MAP4K5: variants seen among roughly 807,000 people sequenced by gnomAD.
MAP4K5 encodes MAPK/ERK kinase kinase kinase 5.
In MAP4K5, 82 loss-of-function variants were observed where a neutral mutation model predicts 135.6. The ratio of observed to expected loss-of-function variants is 0.60; its 90% CI spans 0.51 to 0.73. The LOEUF is 0.73. Among genes scored for constraint, MAP4K5 ranks in the 30% least tolerant of loss-of-function variants. MAP4K5 has a pLI of 0.00. For missense variants in MAP4K5, 907 were observed against 1,010.9 expected (o/e 0.90, Z 1.39); for synonymous variants, 347 against 335.0 (o/e 1.04, Z -0.39).
chr14:50,548,750 TC>T (rs1376037393), intron 1 of MAP4K5, among the ~76,000 whole-genome samples: 1 of 152,108 alleles, frequency 6.6e-6, no homozygotes, highest in African/African-American at 2.4e-5. Context: ...GACCTTGTGA[TC>T]CGCCTGCCTC....
intron 3 of MAP4K5, among the ~76,000 whole-genome samples, chr14:50,495,819 T>C (rs1347110710): frequency 6.6e-6 from 1 of 152,164 alleles, no homozygotes; most frequent in Non-Finnish European, 1.5e-5. Context: ...AAAGGACAAA[T>C]ACTGTATGAT....
intron 2 of MAP4K5, among the ~76,000 whole-genome samples, chr14:50,522,971 AATAAC>A (rs1160829437): frequency 6.6e-6 from 1 of 152,210 alleles, no homozygotes; most frequent in Non-Finnish European, 1.5e-5. Flanking sequence ...TGCTTAAAAA[AATAAC>A]ATAAGACTTG....
At chr14:50,551,863 A>C in intron 1 of MAP4K5, among the ~76,000 whole-genome samples, 1 of 152,202 alleles carries the variant, frequency 6.6e-6, no homozygotes, top group Non-Finnish European at 1.5e-5. Context: ...GACATACCTC[A>C]AAGTAATAAA....
chr14:50,512,091 T>C (rs1446115235), intron 2 of MAP4K5, among the ~76,000 whole-genome samples: 2 of 152,140 alleles, frequency 1.3e-5, no homozygotes, highest in Non-Finnish European at 2.9e-5. Flanking sequence ...TTATAACAAA[T>C]GTACCACACT....
intron 2 of MAP4K5, among the ~76,000 whole-genome samples, chr14:50,519,635 C>T (rs2038106816): frequency 6.6e-6 from 1 of 151,450 alleles, no homozygotes; most frequent in South Asian, 2.1e-4. Flanking sequence ...GCCTGGGCGA[C>T]AAAGTGAGAC....
At chr14:50,497,108 A>C (rs2037611033) in intron 3 of MAP4K5, among the ~76,000 whole-genome samples, 1 of 152,238 alleles carries the variant, frequency 6.6e-6, no homozygotes, top group South Asian at 2.1e-4. Flanking sequence ...AAATCAATCC[A>C]ATGCTAAATA....
Position 50,473,747 on chromosome 14 carries a change from G to A in MAP4K5, c.542+1330C>T, listed in dbSNP as rs1447030351. 7.0e-5 allele frequency among the ~76,000 whole-genome samples: 8 copies of A among 114,848 alleles called. No individual in the cohort carries two copies. In the Admixed American group the frequency reaches 8.0e-4, roughly 11 times the overall value. The allele number at this position is 114,848 out of a possible 152,430, so 75.3% of individuals were successfully genotyped here. A position where few individuals can be genotyped will look rare whatever the true frequency, so the allele number is the denominator to read the frequency against. On this transcript the variant is annotated intron_variant, in intron 9 of 32. Coordinates refer to ENST00000682126, the MANE Select transcript of MAP4K5 (RefSeq NM_006575.6). Reference sequence around the variant, plus strand: ...TTTTTTTTTTTTTTTTTTTTGAGACGGAGTCTCGCTCTGTCGCCCAGGCTG... The same window carrying A: ...TTTTTTTTTTTTTTTTTTTTGAGACAGAGTCTCGCTCTGTCGCCCAGGCTG...
At chr14:50,553,413 T>A (rs115723106) in intron 1 of MAP4K5, among the ~76,000 whole-genome samples, 2,148 of 151,876 alleles carry the variant, frequency 0.014, 41 homozygotes, top group African/African-American at 0.049. Flanking sequence ...ACAACCTCAT[T>A]CCTGCAGGAA....
At chr14:50,435,194 C>T (rs2036063056) in intron 26 of MAP4K5, 129 bp from the exon 27 acceptor site, 1 of 486,704 alleles carries the variant, frequency 2.1e-6, no homozygotes, top group East Asian at 3.0e-5. Flanking sequence ...CTTTTGGCTT[C>T]ATTGCCTTTT....
chr14:50,512,149 T>C (rs1486661507), intron 2 of MAP4K5, among the ~76,000 whole-genome samples: 1 of 152,270 alleles, frequency 6.6e-6, no homozygotes, highest in African/African-American at 2.4e-5. Flanking sequence ...ATTCAGGGGT[T>C]GGCTAAATGT....
intron 14 of MAP4K5, chr14:50,450,240 C>A (rs2036452776): frequency 6.6e-6 from 1 of 152,332 alleles, no homozygotes. Context: ...AGCCACCACA[C>A]CTGGCCATTT....
At chr14:50,448,596 G>A (rs17122544) in intron 15 of MAP4K5, among the ~76,000 whole-genome samples, 178 bp downstream of exon 15, 5,087 of 151,760 alleles carry the variant, frequency 0.034, 275 homozygotes, top group African/African-American at 0.12. Context: ...GTATTACATC[G>A]TACTCTAGTA....
At chr14:50,443,637 C>T (rs1347438952) in intron 20 of MAP4K5, 92 bp downstream of exon 20, 7 of 1,046,992 alleles carry the variant, frequency 6.7e-6, no homozygotes, top group Admixed American at 3.3e-5. Context: ...GATATCTTAA[C>T]TTTCAAAGGC....
intron 3 of MAP4K5, among the ~76,000 whole-genome samples, chr14:50,493,806 G>A (rs574845047): frequency 3.9e-4 from 59 of 152,046 alleles, no homozygotes; most frequent in African/African-American, 1.3e-3. Context: ...TGGCCAACAC[G>A]GTGAAACCCT....
At chr14:50,504,199 T>C (rs1242735437) in intron 3 of MAP4K5, among the ~76,000 whole-genome samples, 5 of 152,088 alleles carry the variant, frequency 3.3e-5, no homozygotes, top group African/African-American at 1.2e-4. Flanking sequence ...TGCCTAAGCT[T>C]ATGAACCAGC....
chr14:50,469,360 T>C (rs1468345410), intron 9 of MAP4K5, among the ~76,000 whole-genome samples: 1 of 152,204 alleles, frequency 6.6e-6, no homozygotes, highest in Non-Finnish European at 1.5e-5. Flanking sequence ...AAGTCTGTAA[T>C]GGACAGGAAA....
At chr14:50,432,267 G>A (rs1412150924) in intron 28 of MAP4K5, among the ~76,000 whole-genome samples, 2 of 152,166 alleles carry the variant, frequency 1.3e-5, no homozygotes, top group Admixed American at 1.3e-4. Context: ...AATGAACACA[G>A]CTAGGAGTTG....
At chr14:50,539,835 A>G (rs2038538599) in intron 2 of MAP4K5, among the ~76,000 whole-genome samples, 1 of 152,212 alleles carries the variant, frequency 6.6e-6, no homozygotes, top group Non-Finnish European at 1.5e-5. Context: ...GTTCTCAATA[A>G]TAGCTTACAA....
At position 50,472,851 on chromosome 14, in the gene MAP4K5, T is replaced by C. The variant is rs888521653; in HGVS notation, c.542+2226A>G. ...GAGAATGCCTATTGAAAAGAAATCT[T>C]ATAAATTTAATTTGAAAAGCCTGAT... On this transcript the variant is annotated intron_variant, in intron 9 of 32. Coordinates refer to ENST00000682126, the MANE Select transcript of MAP4K5 (RefSeq NM_006575.6). Among the ~76,000 whole-genome samples the C allele has an allele frequency of 1.2e-4, 18 of 152,330 alleles. No homozygotes were observed. In the East Asian group the frequency reaches 3.3e-3, roughly 28 times the overall value.
Sources: gnomAD v4.1 joint callset for allele counts (sites outside exome capture counted in the v4.1 genomes callset) on GRCh38, gnomAD v4.1.1 for gene constraint, MANE v1.5 for transcripts, NCBI Gene and HGNC (gene_info 2026-07-23, HGNC 2026-07-21) for gene names.